Variants in TEC observed in about 807,000 individuals in gnomAD.
TEC encodes the protein tec protein tyrosine kinase, also known as tyrosine-protein kinase Tec.
A neutral mutation model predicts 93.0 loss-of-function variants in TEC; 72 were observed. The ratio of observed to expected loss-of-function variants is 0.77; its 90% CI spans 0.64 to 0.94. The LOEUF (loss-of-function observed/expected upper bound fraction) is 0.94. Ranked by LOEUF, TEC falls within the 40% of genes least tolerant of loss-of-function variation. The pLI, the probability that TEC is intolerant of heterozygous loss-of-function variation, is 0.00. For missense variants in TEC, 630 were observed against 757.9 expected (o/e 0.83, Z 1.98); for synonymous variants, 249 against 247.7 (o/e 1.01, Z -0.05).
intron 2 of TEC, among the ~76,000 whole-genome samples, chr4:48,189,647 T>C (rs1258859041): frequency 3.9e-5 from 6 of 152,190 alleles, no homozygotes; most frequent in African/African-American, 1.4e-4. Flanking sequence ...TGAAACTCAG[T>C]GTTGGCATTT....
rs547893722 is a variant in TEC at position 48,143,391 on chromosome 4, A to T, written c.1470+1688T>A. ...GATACTCAGTTTTTATCAGTTTTAT[A>T]AGGACATCTATTTTGTTCTTAGTTC... On this transcript the variant is annotated intron_variant, in intron 14 of 17. Coordinates refer to ENST00000381501, the MANE Select transcript of TEC (RefSeq NM_003215.3). Among the ~76,000 whole-genome samples, 28 of 152,212 alleles carry T rather than the reference A, an allele frequency of 1.8e-4. 1 individual carries two copies. The highest frequency in any genetic ancestry group is 1.0e-3 in the South Asian group (5 of 4,836).
At chr4:48,152,429 T>C (rs1162507996) in intron 9 of TEC, among the ~76,000 whole-genome samples, 1 of 150,564 alleles carries the variant, frequency 6.6e-6, no homozygotes, top group Non-Finnish European at 1.5e-5. Flanking sequence ...CAGAGAGAGA[T>C]ACTATCATAA....
chr4:48,163,981 G>A (rs1159005521), intron 7 of TEC, among the ~76,000 whole-genome samples: 1 of 152,170 alleles, frequency 6.6e-6, no homozygotes, highest in African/African-American at 2.4e-5. Flanking sequence ...GCGGTAGGCA[G>A]GCATTATTGT....
chr4:48,154,064 C>T (rs1205570242), intron 9 of TEC, among the ~76,000 whole-genome samples: 1 of 152,158 alleles, frequency 6.6e-6, no homozygotes, highest in East Asian at 1.9e-4. Context: ...ACAGGGTATG[C>T]TGTGCTAACA....
At chr4:48,146,662 C>T (rs181964840) in intron 11 of TEC, among the ~76,000 whole-genome samples, 61 of 152,156 alleles carry the variant, frequency 4.0e-4, no homozygotes, top group African/African-American at 1.3e-3. Flanking sequence ...ACAGTTATTT[C>T]GTGTTCTTTT....
chr4:48,145,485 C>T lies in TEC; in HGVS notation c.1176G>A (p.Gln392=), dbSNP rs972927636. The T allele has an allele frequency of 6.2e-7, 1 of 1,614,148 alleles. No homozygotes were observed. ...GAATAGCTTTGATTGCGACTTTGTA[C>T]TGGGCTCGCCATTTGCCAAGCCTCA... ...GVVRLGKWRA[Q]YKVAIKAIRE... Residue 392 remains glutamine (Q), a synonymous_variant, in exon 13 of 18, where the codon CAG becomes CAA. Coordinates refer to ENST00000381501, the MANE Select transcript of TEC (RefSeq NM_003215.3).
intron 7 of TEC, among the ~76,000 whole-genome samples, chr4:48,167,328 G>C (rs1249608109): frequency 1.3e-5 from 2 of 151,940 alleles, no homozygotes; most frequent in Non-Finnish European, 2.9e-5. Context: ...TATTCATGGA[G>C]AGAGAGAAAG....
At position 48,137,518 on chromosome 4, in the gene TEC, G is replaced by A. The variant is rs201108480; in HGVS notation, c.1813-19C>T. 2 of 1,610,244 alleles carry A rather than the reference G, an allele frequency of 1.2e-6. No individual in the cohort carries two copies. Among genetic ancestry groups the A allele is most frequent in the East Asian group, 4.5e-5 (2 of 44,840 alleles). On this transcript the variant is annotated intron_variant, in intron 17 of 17. Transcript: ENST00000381501. ...CTGGTTTCTACAATTAAAAGTCAAA[G>A]AGAAGCTGTGGGTTCCAGAATCCAT...
intron 5 of TEC, 30 bp downstream of exon 5, chr4:48,170,218 A>G (rs749982780): frequency 1.3e-6 from 2 of 1,536,170 alleles, no homozygotes; most frequent in African/African-American, 1.4e-5. Context: ...TCTAAGCACA[A>G]TATAATTATG....
chr4:48,212,488 C>A (rs1421849586), intron 2 of TEC, among the ~76,000 whole-genome samples: 1 of 152,106 alleles, frequency 6.6e-6, no homozygotes, highest in South Asian at 2.1e-4. Context: ...GAACACTGTC[C>A]CCTAGTTTCT....
At chr4:48,266,803 A>C (rs1174425773) in intron 1 of TEC, among the ~76,000 whole-genome samples, 1 of 151,336 alleles carries the variant, frequency 6.6e-6, no homozygotes, top group African/African-American at 2.4e-5. Flanking sequence ...GTGCCATTGC[A>C]TTCCAGCCTG....
chr4:48,194,652 G>T (rs566134518), intron 2 of TEC, among the ~76,000 whole-genome samples: 1 of 152,238 alleles, frequency 6.6e-6, no homozygotes, highest in Admixed American at 6.5e-5. Flanking sequence ...AGAGTTGGGG[G>T]GAGTGAGGAA....
At position 48,138,716 on chromosome 4, in the gene TEC, C is replaced by T. The variant is rs767476737; in HGVS notation, c.1761G>A (p.Pro587=). ...MVTRGHRLYQ[P]KLASNYVYEV... ...CATACACATAGTTGGACGCCAACTT[C>T]GGCTGGTAGAGTCGGTGGCCTCGAG... The change falls in exon 17 of 18, where the codon CCG becomes CCA. Residue 587 remains proline, a synonymous_variant. Transcript: ENST00000381501. The T allele has an allele frequency of 9.3e-6, 15 of 1,614,006 alleles. No individual in the cohort carries two copies. In the East Asian group the frequency reaches 1.6e-4, roughly 17 times the overall value.
intron 1 of TEC, among the ~76,000 whole-genome samples, chr4:48,250,833 C>A (rs1246176808): frequency 6.6e-6 from 1 of 152,154 alleles, no homozygotes; most frequent in African/African-American, 2.4e-5. Flanking sequence ...CAAGCCCAGC[C>A]AAGATCAGCA....
At chr4:48,219,867 G>A (rs935291120) in intron 2 of TEC, among the ~76,000 whole-genome samples, 16 of 152,020 alleles carry the variant, frequency 1.1e-4, no homozygotes, top group African/African-American at 3.9e-4. Context: ...TCTTTGTCTT[G>A]TGCCTTTATT....
intron 2 of TEC, among the ~76,000 whole-genome samples, chr4:48,199,720 G>A (rs1289259933): frequency 6.6e-6 from 1 of 151,986 alleles, no homozygotes; most frequent in East Asian, 1.9e-4. Context: ...ACCCGCCTCG[G>A]CCTCCCAAAG....
At position 48,149,678 on chromosome 4, in the gene TEC, C is replaced by T. The variant is rs771705323; in HGVS notation, c.885G>A (p.Ser295=). 11 of 1,603,748 alleles carry T rather than the reference C, an allele frequency of 6.9e-6. No homozygotes were observed. The highest frequency in any genetic ancestry group is 1.7e-4 in the Middle Eastern group (1 of 6,038). ...LYTKFGGEGS[S]GFRHYHIKET... The stretch of plus-strand genomic sequence containing the variant: ...CCTTTATATGATAATGCCTAAAACC[C>T]GATGAACCTTCTCTAGAACAAAAAT... Residue 295 remains serine, a synonymous_variant, in exon 11 of 18, where the codon TCG becomes TCA. Transcript: ENST00000381501.
At position 48,150,923 on chromosome 4, in the gene TEC, A is replaced by G; in HGVS notation, c.812T>C (p.Met271Thr). The G allele has an allele frequency of 3.1e-6, 5 of 1,587,926 alleles. No individual in the cohort carries two copies. The highest frequency in any genetic ancestry group is 4.3e-6 in the Non-Finnish European group (5 of 1,168,094). ...LRSEDKEGGF[M>T]VRDSSQPGLY... is the part of the protein sequence containing the mutation. Reference sequence around the variant, plus strand: ...GCCTGGTTGACTGGAATCCCTTACCATAAAACCACCTTCTTTATCCTAAAA... The same window carrying G: ...GCCTGGTTGACTGGAATCCCTTACCGTAAAACCACCTTCTTTATCCTAAAA... Residue 271 changes from methionine (M) to threonine (T), a missense_variant, in exon 10 of 18, where the codon ATG (methionine) becomes ACG (threonine). Physicochemically the swap from Met to Thr is moderately conservative, Grantham distance 81 (BLOSUM62 -1). Coordinates refer to ENST00000381501, the MANE Select transcript of TEC (RefSeq NM_003215.3).
intron 2 of TEC, among the ~76,000 whole-genome samples, chr4:48,186,134 C>T: frequency 6.6e-6 from 1 of 152,260 alleles, no homozygotes; most frequent in African/African-American, 2.4e-5. Context: ...GCCGGGATTG[C>T]AGACGGAGTC....
Sources: allele counts gnomAD v4.1 joint callset (sites outside exome capture counted in the v4.1 genomes callset), GRCh38; gene constraint gnomAD v4.1.1; transcripts MANE v1.5; gene names NCBI Gene and HGNC (gene_info 2026-07-23, HGNC 2026-07-21).